IMMP2L: variants seen among roughly 807,000 people sequenced by gnomAD.
The protein encoded by IMMP2L is inner mitochondrial membrane peptidase subunit 2.
Under a neutral mutation model 19.3 loss-of-function variants are expected in IMMP2L, and 18 were observed. The observed-to-expected ratio is 0.93, with a 90% confidence interval of 0.64 to 1.38. The LOEUF (loss-of-function observed/expected upper bound fraction) is 1.38. Ranked by LOEUF, IMMP2L falls within the 40% of genes most tolerant of loss-of-function variation. IMMP2L has a pLI of 0.00. For synonymous variants in IMMP2L, 76 were observed against 73.0 expected, an observed-to-expected ratio of 1.04 and a Z score of -0.21; for missense variants, 233 against 218.2, an observed-to-expected ratio of 1.07 and a Z score of -0.43.
At chr7:111,356,934 G>A (rs1828766757) in intron 3 of IMMP2L, among the ~76,000 whole-genome samples, 1 of 140,298 alleles carries the variant, frequency 7.1e-6, no homozygotes, top group Admixed American at 6.8e-5. Flanking sequence ...GGCTGAGGCA[G>A]GAGAAGCGCT....
intron 5 of IMMP2L, among the ~76,000 whole-genome samples, chr7:110,759,584 TAA>T (rs1798234759): frequency 6.6e-6 from 1 of 152,098 alleles, no homozygotes; most frequent in Non-Finnish European, 1.5e-5. Flanking sequence ...ATGGCTATGG[TAA>T]AAAGAGTCAG....
intron 1 of IMMP2L, among the ~76,000 whole-genome samples, chr7:111,544,803 T>C (rs1848775571): frequency 1.3e-5 from 2 of 150,870 alleles, no homozygotes; most frequent in South Asian, 2.1e-4. Flanking sequence ...TTTTTTTTCA[T>C]GAGGGAAGGA....
intron 3 of IMMP2L, among the ~76,000 whole-genome samples, chr7:111,275,960 T>C (rs985085428): frequency 1.5e-4 from 23 of 152,262 alleles, no homozygotes; most frequent in African/African-American, 5.5e-4. Context: ...CCGGGTTTTC[T>C]AGGTATAAGA....
rs116014821 is a variant in IMMP2L, at chr7:111,491,210, T to C, written c.136-3869A>G. On this transcript the variant is annotated intron_variant, in intron 2 of 5. Coordinates refer to ENST00000405709, the MANE Select transcript of IMMP2L (RefSeq NM_032549.4). ...TACTTTATTGTAAAAATATAGTATA[T>C]AATACATATAGCATATAAAAATATG... Among the ~76,000 whole-genome samples the C allele has an allele frequency of 4.4e-3, 677 of 152,310 alleles. 5 individuals are homozygous for C. The highest frequency in any genetic ancestry group is 0.016 in the African/African-American group (656 of 41,574).
chr7:111,359,689 A>T (rs1486480290), intron 3 of IMMP2L, among the ~76,000 whole-genome samples: 1 of 152,126 alleles, frequency 6.6e-6, no homozygotes, highest in African/African-American at 2.4e-5. Context: ...AAACATGCTC[A>T]TTGGTTGTTA....
chr7:111,289,118 A>G (rs2191270), intron 3 of IMMP2L, among the ~76,000 whole-genome samples: 83,495 of 151,744 alleles, frequency 0.55, 23,408 homozygotes, highest in South Asian at 0.72. Context: ...GTCCTTTGCA[A>G]GGACATGGAT....
At chr7:111,249,445 G>C (rs987626608) in intron 3 of IMMP2L, among the ~76,000 whole-genome samples, 20 of 149,410 alleles carry the variant, frequency 1.3e-4, no homozygotes, top group Non-Finnish European at 2.2e-4. Context: ...AGATGAACCC[G>C]GTACCTCAGA....
At chr7:111,197,670 AAAC>A in intron 3 of IMMP2L, among the ~76,000 whole-genome samples, 1 of 152,302 alleles carries the variant, frequency 6.6e-6, no homozygotes, top group South Asian at 2.1e-4. Context: ...AGGATGGGAA[AAAC>A]AACTATATTT....
In IMMP2L at chr7:111,450,386, G is replaced by C. The variant is rs543219736; in HGVS notation, c.239+36852C>G. On this transcript the variant is annotated intron_variant, in intron 3 of 5. Transcript: ENST00000405709. ...AGATATAGATCAATGGAACAGAACA[G>C]AGCCCTCAAATAACGCCGCATACCT... Among the ~76,000 whole-genome samples, 10 of 152,132 alleles carry C rather than the reference G, an allele frequency of 6.6e-5. No individual in the cohort carries two copies. The South Asian group carries it at 2.1e-3, about 32-fold the overall frequency.
chr7:110,881,031 C>G (rs1156615629), intron 5 of IMMP2L, among the ~76,000 whole-genome samples: 1 of 152,076 alleles, frequency 6.6e-6, no homozygotes, highest in Admixed American at 6.6e-5. Context: ...ATTTCACCAC[C>G]ATATTATGTT....
intron 3 of IMMP2L, among the ~76,000 whole-genome samples, chr7:111,078,284 C>T (rs752170825): frequency 2.0e-5 from 3 of 152,156 alleles, no homozygotes; most frequent in Non-Finnish European, 4.4e-5. Context: ...AGAAATGAGA[C>T]TCATACTTGC....
chr7:110,795,367 T>G lies in IMMP2L; in HGVS notation c.408+91226A>C, dbSNP rs1010001437. ...AAGCAAGATTGGTGTTTTAAAAAAA[T>G]CAGTATCCTATCATGGTTTAAATAT... On this transcript the variant is annotated intron_variant, in intron 5 of 5. Coordinates refer to ENST00000405709, the MANE Select transcript of IMMP2L (RefSeq NM_032549.4). Among the ~76,000 whole-genome samples, 6 of 152,196 alleles carry G rather than the reference T, an allele frequency of 3.9e-5. No homozygotes were observed. In the South Asian group the frequency reaches 1.0e-3, roughly 26 times the overall value.
At chr7:111,129,638 T>C (rs1437890629) in intron 3 of IMMP2L, among the ~76,000 whole-genome samples, 1 of 152,092 alleles carries the variant, frequency 6.6e-6, no homozygotes, top group East Asian at 1.9e-4. Flanking sequence ...GAATGCCACA[T>C]CTAGAAACAG....
chr7:110,829,437 C>A (rs1244014673), intron 5 of IMMP2L, among the ~76,000 whole-genome samples: 1 of 152,150 alleles, frequency 6.6e-6, no homozygotes, highest in Non-Finnish European at 1.5e-5. Context: ...CTGTTAAGTG[C>A]TTCAATCACA....
At chr7:111,056,706 C>T (rs1422367672) in intron 3 of IMMP2L, among the ~76,000 whole-genome samples, 2 of 152,076 alleles carry the variant, frequency 1.3e-5, no homozygotes, top group Non-Finnish European at 2.9e-5. Flanking sequence ...GTATTATATA[C>T]TGTATTCTTA....
At chr7:111,556,014 G>GTGTGTGTGTATATATATATA in intron 1 of IMMP2L, among the ~76,000 whole-genome samples, 3 of 114,602 alleles carry the variant, frequency 2.6e-5, no homozygotes, top group African/African-American at 1.0e-4. Flanking sequence ...TCTTCTGTGT[G>GTGTGTGTGTATATATATATA]CATGTATATA....
intron 3 of IMMP2L, among the ~76,000 whole-genome samples, chr7:111,082,361 A>G (rs889618586): frequency 1.3e-5 from 2 of 152,188 alleles, no homozygotes; most frequent in Admixed American, 6.5e-5. Flanking sequence ...ATAACACCAA[A>G]ATAACTTGGA....
intron 3 of IMMP2L, among the ~76,000 whole-genome samples, chr7:111,319,187 A>G (rs1283949791): frequency 6.6e-6 from 1 of 152,142 alleles, no homozygotes; most frequent in East Asian, 1.9e-4. Flanking sequence ...CACTCAAAAA[A>G]AGTGCTGAGA....
At chr7:111,346,635 C>T (rs544375100) in intron 3 of IMMP2L, among the ~76,000 whole-genome samples, 43 of 152,120 alleles carry the variant, frequency 2.8e-4, no homozygotes, top group African/African-American at 1.0e-3. Context: ...GACAGATAAA[C>T]AGAAAGCCAC....
Sources: gnomAD v4.1 joint callset for allele counts (sites outside exome capture counted in the v4.1 genomes callset) on GRCh38, gnomAD v4.1.1 for gene constraint, MANE v1.5 for transcripts, NCBI Gene and HGNC (gene_info 2026-07-23, HGNC 2026-07-21) for gene names.